The following KANSL1L variants were observed in gnomAD, a reference collection of about 807,000 sequenced individuals.
KANSL1L encodes KAT8 regulatory NSL complex subunit 1-like protein.
Under a neutral mutation model 108.6 loss-of-function variants are expected in KANSL1L, and 25 were observed. The observed-to-expected ratio is 0.23, with a 90% CI of 0.17 to 0.32. The LOEUF is 0.32. Ranked by LOEUF, KANSL1L falls within the 10% of genes least tolerant of loss-of-function variation. The pLI, the probability that KANSL1L is intolerant of heterozygous loss-of-function variation, is 1.00. For synonymous variants in KANSL1L, 405 were observed against 395.1 expected, an observed-to-expected ratio of 1.03 and a Z score of -0.30; for missense variants, 1,137 against 1,125.7, an observed-to-expected ratio of 1.01 and a Z score of -0.14.
At chr2:210,060,273 A>G (rs983602767) in intron 6 of KANSL1L, among the ~76,000 whole-genome samples, 1 of 152,230 alleles carries the variant, frequency 6.6e-6, no homozygotes, top group Non-Finnish European at 1.5e-5. Context: ...TCTATGAAAT[A>G]ACAATGATGA....
chr2:210,050,379 T>G (rs1445523888), intron 6 of KANSL1L, among the ~76,000 whole-genome samples: 1 of 152,126 alleles, frequency 6.6e-6, no homozygotes, highest in Non-Finnish European at 1.5e-5. Context: ...AACTTCAGAT[T>G]GGATAAAAAA....
Position 210,057,192 on chromosome 2 carries a change from A to G in KANSL1L, c.1756-13088T>C, listed in dbSNP as rs148734540. Among the ~76,000 whole-genome samples, 301 of 152,300 alleles carry G rather than the reference A, an allele frequency of 2.0e-3. 1 individual carries two copies. Among genetic ancestry groups the G allele is most frequent in the African/African-American group, 7.0e-3 (291 of 41,558 alleles). ...CAAGGTGGGCAGATCCCTTGAGGCC[A>G]GGAATTCGAGACCAGCCTGGCCAAC... On this transcript the variant is annotated intron_variant, in intron 6 of 14. Transcript: ENST00000281772.
At chr2:210,047,256 A>C (rs774224483) in intron 6 of KANSL1L, among the ~76,000 whole-genome samples, 2 of 152,194 alleles carry the variant, frequency 1.3e-5, no homozygotes, top group Non-Finnish European at 2.9e-5. Flanking sequence ...AGACTTTTGT[A>C]AATCTTTTAA....
intron 2 of KANSL1L, 39 bp downstream of exon 2, chr2:210,153,456 A>C: frequency 6.5e-7 from 1 of 1,529,500 alleles, no homozygotes; most frequent in Non-Finnish European, 9.0e-7. Context: ...GCTGCTATAT[A>C]TGGAACAGAA....
At chr2:210,159,606 T>C (rs944815635) in intron 1 of KANSL1L, among the ~76,000 whole-genome samples, 3 of 152,232 alleles carry the variant, frequency 2.0e-5, no homozygotes, top group East Asian at 1.9e-4. Flanking sequence ...TTGATCATGA[T>C]ATTTAAAGGC....
intron 6 of KANSL1L, among the ~76,000 whole-genome samples, chr2:210,059,492 C>T (rs975293816): frequency 1.3e-4 from 20 of 152,206 alleles, no homozygotes; most frequent in Non-Finnish European, 2.5e-4. Context: ...CTAAAATGTG[C>T]TGCTTCCCTA....
intron 3 of KANSL1L, 136 bp from the exon 4 acceptor site, chr2:210,104,437 C>T: frequency 1.6e-6 from 1 of 635,690 alleles, no homozygotes; most frequent in Non-Finnish European, 2.7e-6. Flanking sequence ...TAGTTTAACT[C>T]TGTAAAGAAC....
intron 12 of KANSL1L, among the ~76,000 whole-genome samples, chr2:210,025,478 G>A (rs927827157): frequency 2.0e-5 from 3 of 152,092 alleles, no homozygotes; most frequent in African/African-American, 7.2e-5. Context: ...TTGCTTGAAC[G>A]CGGGAGGCGG....
intron 6 of KANSL1L, among the ~76,000 whole-genome samples, chr2:210,060,056 T>G (rs2094403023): frequency 6.6e-6 from 1 of 152,190 alleles, no homozygotes; most frequent in Non-Finnish European, 1.5e-5. Flanking sequence ...AGTAAGAATT[T>G]AAATTTCTAT....
intron 6 of KANSL1L, among the ~76,000 whole-genome samples, chr2:210,067,826 C>A (rs2094477805): frequency 6.6e-6 from 1 of 151,376 alleles, no homozygotes; most frequent in Non-Finnish European, 1.5e-5. Context: ...TTTGGATATC[C>A]TCTTTTACAA....
chr2:210,031,621 T>C, intron 8 of KANSL1L, 75 bp from the exon 9 acceptor site: 1 of 922,760 alleles, frequency 1.1e-6, no homozygotes, highest in East Asian at 2.9e-5. Flanking sequence ...CTGTTTTTAT[T>C]TGTAACTGCA....
intron 5 of KANSL1L, chr2:210,096,407 C>G (rs898567361): frequency 2.6e-6 from 2 of 770,338 alleles, no homozygotes; most frequent in African/African-American, 3.8e-5. Context: ...ATTTGTGTCC[C>G]TAGGACTTGA....
intron 1 of KANSL1L, among the ~76,000 whole-genome samples, chr2:210,161,716 G>A (rs1344031036): frequency 3.9e-5 from 6 of 152,126 alleles, no homozygotes; most frequent in Non-Finnish European, 8.8e-5. Context: ...GAAAGTCACT[G>A]AGTTTATCAT....
At chr2:210,045,271 T>C (rs2094211674) in intron 6 of KANSL1L, among the ~76,000 whole-genome samples, 1 of 152,080 alleles carries the variant, frequency 6.6e-6, no homozygotes, top group East Asian at 1.9e-4. Flanking sequence ...TTTTCCCATC[T>C]CTTAATTTTA....
chr2:210,053,666 C>A (rs1480247986), intron 6 of KANSL1L, among the ~76,000 whole-genome samples: 1 of 151,650 alleles, frequency 6.6e-6, no homozygotes, highest in East Asian at 1.9e-4. Flanking sequence ...AATTCTGACT[C>A]AAAACCCAAA....
chr2:210,166,963 G>A (rs1040667737), intron 1 of KANSL1L, among the ~76,000 whole-genome samples: 1 of 152,020 alleles, frequency 6.6e-6, no homozygotes, highest in African/African-American at 2.4e-5. Context: ...AAGGAGACTA[G>A]AGGAGTACAG....
chr2:210,098,186 T>C lies in KANSL1L; in HGVS notation c.1450A>G (p.Ile484Val). 1.2e-6 allele frequency: 2 copies of C among 1,612,400 alleles called. No homozygotes were observed. Among genetic ancestry groups the C allele is most frequent in the African/African-American group, 2.7e-5 (2 of 74,944 alleles). Residue 484 changes from isoleucine to valine, a missense_variant, in exon 5 of 15, where the codon ATC becomes GTC. Around this residue, in one of 3 missense-constraint regions of KANSL1L, gnomAD observed 575 missense variants for 567.1 expected, o/e 1.01. Coordinates refer to ENST00000281772, the MANE Select transcript of KANSL1L (RefSeq NM_152519.4). Reference protein sequence around the residue: ...EKQSAQLTEIINSLIAPLNLS... With the variant: ...EKQSAQLTEIVNSLIAPLNLS... ...TTGAGAGGGGCAATCAAACTGTTGATGATCTCAGTCAACTGTGCACTCTGC... is the reference window on the plus strand; with the variant it reads ...TTGAGAGGGGCAATCAAACTGTTGACGATCTCAGTCAACTGTGCACTCTGC...
chr2:210,164,617 A>G (rs1462198334), intron 1 of KANSL1L, among the ~76,000 whole-genome samples: 1 of 152,146 alleles, frequency 6.6e-6, no homozygotes, highest in East Asian at 1.9e-4. Context: ...CAGAACTTCG[A>G]AGAACCTAGA....
At chr2:210,025,266 A>G (rs992217392) in intron 12 of KANSL1L, 50 bp from the exon 13 acceptor site, 5 of 1,178,204 alleles carry the variant, frequency 4.2e-6, no homozygotes, top group South Asian at 3.7e-5. Context: ...ATTTTGAAAT[A>G]TAAGATCAGG....
Sources: allele counts gnomAD v4.1 joint callset (sites outside exome capture counted in the v4.1 genomes callset), GRCh38; gene constraint gnomAD v4.1.1; regional missense constraint gnomAD v4.1.1; transcripts MANE v1.5; gene names NCBI Gene and HGNC (gene_info 2026-07-23, HGNC 2026-07-21).